The following TBC1D1 variants were observed in gnomAD, a reference collection of about 807,000 sequenced individuals.
TBC1D1 encodes the protein TBC1 domain family member 1, also known as TBC1 (tre-2/USP6, BUB2, cdc16) domain family, member 1.
In TBC1D1, 89 loss-of-function variants were observed where a neutral mutation model predicts 125.6. The observed-to-expected ratio is 0.71, with a 90% confidence interval of 0.60 to 0.85. The LOEUF (loss-of-function observed/expected upper bound fraction) is 0.85. TBC1D1 is among the 40% of genes least tolerant of loss of function. The pLI is 0.00. For missense variants in TBC1D1, 1,377 were observed against 1,469.2 expected (o/e 0.94, Z 1.03); for synonymous variants, 565 against 564.1 (o/e 1.00, Z -0.02).
In TBC1D1 at chr4:38,103,007, C is replaced by T. The variant is rs199992726; in HGVS notation, c.2407C>T (p.Arg803Cys). 46 of 1,613,770 alleles carry T rather than the reference C, an allele frequency of 2.9e-5. No homozygotes were observed. Among genetic ancestry groups the T allele is most frequent in the South Asian group, 1.1e-4 (10 of 90,968 alleles). Residue 803 changes from arginine (R) to cysteine (C), a missense_variant, in exon 15 of 20, where the codon CGT becomes TGT. Around this residue, in one of 3 missense-constraint regions of TBC1D1, gnomAD observed 543 missense variants for 613.5 expected, o/e 0.89. Transcript: ENST00000261439. ...TTCTCTCCCTTTTAAAGGTGTGCCA[C>T]GTCATCACCGAGGTGAAATCTGGAA...
chr4:37,985,101 C>A (rs939538165), intron 2 of TBC1D1, among the ~76,000 whole-genome samples: 1 of 151,778 alleles, frequency 6.6e-6, no homozygotes, highest in Non-Finnish European at 1.5e-5. Context: ...TACAGGCACG[C>A]GCCACCATGC....
intron 10 of TBC1D1, among the ~76,000 whole-genome samples, chr4:38,046,147 T>C (rs7692720): frequency 0.091 from 13,837 of 152,142 alleles, 1,470 homozygotes; most frequent in African/African-American, 0.26. Flanking sequence ...GGGCGGATCA[T>C]GAGGTCAGGA....
At chr4:38,086,711 G>A (rs754381483) in intron 12 of TBC1D1, among the ~76,000 whole-genome samples, 2 of 152,184 alleles carry the variant, frequency 1.3e-5, no homozygotes, top group African/African-American at 4.8e-5. Flanking sequence ...GCTAGCAAGC[G>A]CATAGGGTTG....
At chr4:37,929,263 T>A (rs895456495) in intron 2 of TBC1D1, among the ~76,000 whole-genome samples, 1 of 152,232 alleles carries the variant, frequency 6.6e-6, no homozygotes, top group African/African-American at 2.4e-5. Context: ...AGGTGATTTA[T>A]AAGTATATAT....
intron 12 of TBC1D1, among the ~76,000 whole-genome samples, chr4:38,062,924 A>AC (rs1753031676): frequency 6.6e-6 from 1 of 152,144 alleles, no homozygotes; most frequent in Non-Finnish European, 1.5e-5. Context: ...TGCTAGAGTC[A>AC]CATCGCCTGG....
chr4:38,101,704 T>C (rs1359194867), intron 14 of TBC1D1, among the ~76,000 whole-genome samples: 1 of 152,220 alleles, frequency 6.6e-6, no homozygotes, highest in African/African-American at 2.4e-5. Flanking sequence ...ATCTCAGCTA[T>C]GATTAGCTTA....
At chr4:37,999,818 G>A (rs372594014) in intron 2 of TBC1D1, among the ~76,000 whole-genome samples, 1 of 152,194 alleles carries the variant, frequency 6.6e-6, no homozygotes, top group Non-Finnish European at 1.5e-5. Context: ...TTTTCCATTG[G>A]CAGTGATAAT....
intron 18 of TBC1D1, among the ~76,000 whole-genome samples, chr4:38,130,629 C>A (rs1272632274): frequency 6.6e-6 from 1 of 152,164 alleles, no homozygotes; most frequent in Non-Finnish European, 1.5e-5. Context: ...TGCAGAGGGG[C>A]CAGGTACCTT....
At chr4:37,933,314 A>G (rs946450776) in intron 2 of TBC1D1, among the ~76,000 whole-genome samples, 4 of 152,058 alleles carry the variant, frequency 2.6e-5, no homozygotes, top group East Asian at 1.9e-4. Flanking sequence ...CCTTCACAAC[A>G]TATTTACCTA....
At chr4:37,985,100 G>A (rs926811637) in intron 2 of TBC1D1, among the ~76,000 whole-genome samples, 11 of 151,704 alleles carry the variant, frequency 7.3e-5, no homozygotes, top group Non-Finnish European at 1.3e-4. Context: ...CTACAGGCAC[G>A]CGCCACCATG....
intron 2 of TBC1D1, among the ~76,000 whole-genome samples, chr4:37,909,555 A>G (rs1015310850): frequency 2.0e-5 from 3 of 152,206 alleles, no homozygotes; most frequent in Admixed American, 1.3e-4. Flanking sequence ...GCTAGAGTGA[A>G]GATCGAAGAT....
At position 38,137,563 on chromosome 4, in the gene TBC1D1, TTACTG is replaced by T. The variant is rs1363595348; in HGVS notation, c.*232_*236del. The T allele has an allele frequency of 4.2e-6, 2 of 481,572 alleles. No homozygotes were observed. Among genetic ancestry groups the T allele is most frequent in the Non-Finnish European group, 6.8e-6 (2 of 293,668 alleles). The allele number at this position is 481,572 out of a possible 1,614,324, so 29.8% of individuals were successfully genotyped here. A position where few individuals can be genotyped will look rare whatever the true frequency, so the allele number is the denominator to read the frequency against. ...TAAATCGTCCCTTCTCCAGTCCTGA[TTACTG>T]TACACAGTAGCTTTAGATGGCGTGG... On this transcript the variant is annotated 3_prime_UTR_variant, in exon 20 of 20. Transcript: ENST00000261439.
At chr4:38,033,905 T>G (rs35308860) in intron 7 of TBC1D1, among the ~76,000 whole-genome samples, 20,200 of 152,284 alleles carry the variant, frequency 0.13, 1,836 homozygotes, top group East Asian at 0.41. Flanking sequence ...CTCAGTTTTA[T>G]AGATGCACTA....
At chr4:37,974,118 T>C (rs1732575718) in intron 2 of TBC1D1, among the ~76,000 whole-genome samples, 1 of 152,224 alleles carries the variant, frequency 6.6e-6, no homozygotes, top group Non-Finnish European at 1.5e-5. Context: ...TGGCTGCAAA[T>C]GCACTCCCTT....
At chr4:38,112,495 A>C (rs1044339666) in intron 15 of TBC1D1, among the ~76,000 whole-genome samples, 2 of 152,162 alleles carry the variant, frequency 1.3e-5, no homozygotes, top group Non-Finnish European at 2.9e-5. Context: ...CATAGCAACC[A>C]TTTGCATTAG....
intron 19 of TBC1D1, among the ~76,000 whole-genome samples, chr4:38,134,059 G>A (rs1230384467): frequency 6.6e-6 from 1 of 152,168 alleles, no homozygotes; most frequent in East Asian, 1.9e-4. Flanking sequence ...TCCCTGTTAA[G>A]GAGTTGTTTT....
rs370157598 is a variant in TBC1D1 at position 38,018,405 on chromosome 4, T to A, written c.934T>A (p.Leu312Met). ...CAGTCCTGACACCAAAAAAATAGCA[T>A]TGGAGAAAAATTTTAAGGAGATATC... is the stretch of plus-strand genomic sequence containing the variant. Residue 312 changes from leucine (L) to methionine (M), a missense_variant, in exon 4 of 20, where the codon TTG (leucine) becomes ATG (methionine). Transcript: ENST00000261439. 3.1e-6 allele frequency: 5 copies of A among 1,612,526 alleles called. No individual in the cohort carries two copies. The highest frequency in any genetic ancestry group is 4.2e-6 in the Non-Finnish European group (5 of 1,179,528).
chr4:37,994,422 T>G (rs1737309415), intron 2 of TBC1D1, among the ~76,000 whole-genome samples: 1 of 152,138 alleles, frequency 6.6e-6, no homozygotes, highest in South Asian at 2.1e-4. Flanking sequence ...CCTAAATAGC[T>G]GAGACTATAG....
At chr4:38,066,973 T>A (rs1753854876) in intron 12 of TBC1D1, among the ~76,000 whole-genome samples, 1 of 151,660 alleles carries the variant, frequency 6.6e-6, no homozygotes, top group African/African-American at 2.4e-5. Flanking sequence ...GCCTCCTGGG[T>A]TCAAGCGATT....
Sources: gnomAD v4.1 joint callset for allele counts (sites outside exome capture counted in the v4.1 genomes callset) on GRCh38, gnomAD v4.1.1 for gene constraint, gnomAD v4.1.1 regional missense constraint, MANE v1.5 for transcripts, NCBI Gene and HGNC (gene_info 2026-07-23, HGNC 2026-07-21) for gene names.